GRB10: variants seen among roughly 807,000 people sequenced by gnomAD.
GRB10 encodes the protein growth factor receptor bound protein 10.
A neutral mutation model predicts 80.9 loss-of-function variants in GRB10; 20 were observed. The ratio of observed to expected loss-of-function variants is 0.25; its 90% CI spans 0.17 to 0.36. The LOEUF (loss-of-function observed/expected upper bound fraction) is 0.36. GRB10 is among the 10% of genes least tolerant of loss of function. GRB10 has a pLI of 1.00. For missense variants in GRB10, 548 were observed against 747.7 expected, an observed-to-expected ratio of 0.73 and a Z score of 3.12; for synonymous variants, 291 against 291.5, an observed-to-expected ratio of 1.00 and a Z score of 0.02.
At chr7:50,605,211 G>T in intron 15 of GRB10, 79 bp downstream of exon 15, 1 of 1,108,010 alleles carries the variant, frequency 9.0e-7, no homozygotes, top group Non-Finnish European at 1.4e-6. Flanking sequence ...GCATAGAGCT[G>T]TTCCTCTGGG....
chr7:50,617,828 A>C lies in GRB10; in HGVS notation c.846+243T>G. 8.6e-6 allele frequency: 5 copies of C among 580,678 alleles called. No homozygotes were observed. In the South Asian group the frequency reaches 1.0e-4, roughly 12 times the overall value. The allele number at this position is 580,678 out of a possible 1,614,324, so 36.0% of individuals were successfully genotyped here. A position where few individuals can be genotyped will look rare whatever the true frequency, so the allele number is the denominator to read the frequency against. ...CACTGGACTCTTCTAAGTCAGAGCAAGGGCATCGTGTAAGTGCCTGTTTGG... is the reference window on the plus strand; with the variant it reads ...CACTGGACTCTTCTAAGTCAGAGCACGGGCATCGTGTAAGTGCCTGTTTGG... On this transcript the variant is annotated intron_variant, in intron 10 of 18. Transcript: ENST00000401949.
At chr7:50,739,355 C>T (rs1037674716) in intron 3 of GRB10, among the ~76,000 whole-genome samples, 41 of 152,306 alleles carry the variant, frequency 2.7e-4, no homozygotes, top group African/African-American at 9.1e-4. Flanking sequence ...AGGCCCTCAC[C>T]TCGCAGCTAA....
chr7:50,615,474 A>C (rs193103472), intron 11 of GRB10, among the ~76,000 whole-genome samples: 2 of 152,332 alleles, frequency 1.3e-5, no homozygotes, highest in African/African-American at 2.4e-5. Flanking sequence ...TCTCTGGCCC[A>C]GGTGTCGGCA....
chr7:50,739,167 C>T (rs781732918), intron 3 of GRB10, among the ~76,000 whole-genome samples: 9 of 152,010 alleles, frequency 5.9e-5, no homozygotes, highest in Non-Finnish European at 1.0e-4. Flanking sequence ...TTTGTGTTTC[C>T]GATTATATGG....
chr7:50,735,713 A>T (rs6974112), intron 3 of GRB10, among the ~76,000 whole-genome samples: 6,175 of 152,314 alleles, frequency 0.041, 428 homozygotes, highest in African/African-American at 0.14. Context: ...AAAACTAGAC[A>T]GATTTAAAAA....
exon 1 of GRB10, chr7:50,793,411 G>A (rs1185793260): frequency 6.7e-6 from 1 of 148,274 alleles, no homozygotes; most frequent in African/African-American, 2.5e-5. Flanking sequence ...TCCGAGCGCC[G>A]AGCCCGCCCG....
intron 1 of GRB10, among the ~76,000 whole-genome samples, chr7:50,791,928 G>A (rs554349000): frequency 9.8e-5 from 15 of 152,310 alleles, no homozygotes; most frequent in African/African-American, 3.6e-4. Flanking sequence ...TCCCACTGCT[G>A]TAGAAACTCT....
At chr7:50,765,896 C>T (rs2153706979) in intron 2 of GRB10, among the ~76,000 whole-genome samples, 1 of 152,252 alleles carries the variant, frequency 6.6e-6, no homozygotes, top group African/African-American at 2.4e-5. Context: ...ACTGATTTGA[C>T]CTTTACAAAT....
At chr7:50,730,818 A>G (rs1173293426) in intron 4 of GRB10, among the ~76,000 whole-genome samples, 6 of 152,202 alleles carry the variant, frequency 3.9e-5, no homozygotes, top group African/African-American at 1.4e-4. Flanking sequence ...CTCTGTGGCC[A>G]TTATCTGGCC....
chr7:50,646,084 T>A (rs147613978), intron 7 of GRB10, among the ~76,000 whole-genome samples: 1 of 152,220 alleles, frequency 6.6e-6, no homozygotes, highest in Admixed American at 6.5e-5. Context: ...ACCCCATTCA[T>A]GACCAAGGAC....
At chr7:50,779,055 A>C (rs2078003347) in intron 2 of GRB10, 1 of 152,228 alleles carries the variant, frequency 6.6e-6, no homozygotes, top group Non-Finnish European at 1.5e-5. Flanking sequence ...CATTTACAAC[A>C]ATGTAGGGCT....
At chr7:50,685,316 CAT>C (rs1337089269) in intron 5 of GRB10, among the ~76,000 whole-genome samples, 2 of 152,172 alleles carry the variant, frequency 1.3e-5, no homozygotes, top group African/African-American at 2.4e-5. Flanking sequence ...CTAAATATAA[CAT>C]AGCAAGAAAG....
chr7:50,787,610 G>A (rs2078748350), upstream of GRB10, among the ~76,000 whole-genome samples: 1 of 152,076 alleles, frequency 6.6e-6, no homozygotes, highest in Non-Finnish European at 1.5e-5. Flanking sequence ...TCCACTCACT[G>A]CCCTGCAGGC....
intron 15 of GRB10, chr7:50,604,981 A>C: frequency 2.5e-6 from 1 of 396,788 alleles, no homozygotes; most frequent in East Asian, 5.2e-5. Flanking sequence ...TGTGCACTCC[A>C]CAGACAGCCA....
intron 2 of GRB10, among the ~76,000 whole-genome samples, chr7:50,774,334 G>T (rs904546975): frequency 2.6e-5 from 4 of 152,232 alleles, no homozygotes; most frequent in African/African-American, 9.6e-5. Context: ...CAATGTATGT[G>T]TGTGTGTTTA....
At chr7:50,614,652 T>TG in intron 12 of GRB10, 118 bp downstream of exon 12, 1 of 784,304 alleles carries the variant, frequency 1.3e-6, no homozygotes, top group South Asian at 1.4e-5. Flanking sequence ...AAATCCAGTG[T>TG]GAAACTATGT....
At chr7:50,729,182 A>C (rs2069195048) in intron 4 of GRB10, 6 of 152,226 alleles carry the variant, frequency 3.9e-5, no homozygotes. Flanking sequence ...GCAGGATGGC[A>C]AGGAGAGTTT....
intron 7 of GRB10, among the ~76,000 whole-genome samples, chr7:50,658,547 C>T (rs1267362856): frequency 6.6e-6 from 1 of 152,106 alleles, no homozygotes; most frequent in East Asian, 1.9e-4. Flanking sequence ...CACAGGTGGG[C>T]AAGGCACAGA....
chr7:50,773,539 A>G (rs2077252698), intron 2 of GRB10, among the ~76,000 whole-genome samples: 1 of 151,216 alleles, frequency 6.6e-6, no homozygotes. Flanking sequence ...ACAGGAAACG[A>G]AAAATGCCAA....
Sources: allele counts gnomAD v4.1 joint callset (sites outside exome capture counted in the v4.1 genomes callset), GRCh38; gene constraint gnomAD v4.1.1; transcripts MANE v1.5; gene names NCBI Gene and HGNC (gene_info 2026-07-23, HGNC 2026-07-21).